NAGLU: variants seen among roughly 807,000 people sequenced by gnomAD.
NAGLU encodes the protein alpha-N-acetylglucosaminidase.
In NAGLU, 34 loss-of-function variants were observed where a neutral mutation model predicts 43.4. The ratio of observed to expected loss-of-function variants is 0.78; its 90% CI spans 0.60 to 1.04. The LOEUF (loss-of-function observed/expected upper bound fraction) is 1.04. NAGLU is among the 50% of genes least tolerant of loss of function. NAGLU has a pLI of 0.00. For synonymous variants in NAGLU, 425 were observed against 437.6 expected (o/e 0.97, Z 0.36); for missense variants, 910 against 993.7 (o/e 0.92, Z 1.13).
In NAGLU at chr17:42,538,592, G is replaced by C. The variant is rs9915710; in HGVS notation, c.679-78G>C. 0.013 allele frequency: 20,596 copies of C among 1,612,372 alleles called. 2,325 individuals are homozygous for C. In the African/African-American group the frequency reaches 0.24, roughly 19 times the overall value. ...GGGCTCTTAACTGAGGCGGGGGGCT[G>C]CGTGTATCCTGGGAGATGAGGGCCT... On this transcript the variant is annotated intron_variant, in intron 3 of 5. Transcript: ENST00000225927.
intron 5 of NAGLU, among the ~76,000 whole-genome samples, chr17:42,542,764 G>C (rs950736314): frequency 6.6e-6 from 1 of 152,264 alleles, no homozygotes; most frequent in African/African-American, 2.4e-5. Flanking sequence ...AGAGTACTGG[G>C]ATTATAGGTG....
chr17:42,537,285 AGGGCC>A, intron 1 of NAGLU, 108 bp from the exon 2 acceptor site: 1 of 1,536,380 alleles, frequency 6.5e-7, no homozygotes, highest in African/African-American at 1.4e-5. Flanking sequence ...GTGCAGCAGA[AGGGCC>A]GAGTTTGGAG....
intron 5 of NAGLU, 125 bp from the exon 6 acceptor site, chr17:42,542,903 C>A: frequency 6.9e-7 from 1 of 1,445,110 alleles, no homozygotes; most frequent in Non-Finnish European, 9.6e-7. Flanking sequence ...CAGAGCGTCC[C>A]GCTGGTGGGG....
rs2092925248 is a variant in NAGLU, at chr17:42,542,970, C to T, written c.1022-58C>T. 1.9e-6 allele frequency: 3 copies of T among 1,595,782 alleles called. No homozygotes were observed. The South Asian group carries it at 3.3e-5, about 18-fold the overall frequency. ...TCGTCTGTAGAGTGGGGTGAACATT[C>T]CCTGGGCCCTCTGTTTCATCACTCC... On this transcript the variant is annotated intron_variant, in intron 5 of 5. Coordinates refer to ENST00000225927, the MANE Select transcript of NAGLU (RefSeq NM_000263.4).
intron 4 of NAGLU, among the ~76,000 whole-genome samples, chr17:42,539,727 G>T (rs1400281758): frequency 6.6e-6 from 1 of 152,242 alleles, no homozygotes; most frequent in African/African-American, 2.4e-5. Flanking sequence ...AGGATACAAT[G>T]TGGGGACAAG....
At chr17:42,537,634 C>T (rs1431492496) in intron 2 of NAGLU, 89 bp downstream of exon 2, 1 of 1,534,972 alleles carries the variant, frequency 6.5e-7, no homozygotes, top group Non-Finnish European at 8.8e-7. Flanking sequence ...GGCGCAGTGT[C>T]TCTCTCTAGA....
chr17:42,538,857 C>T lies in NAGLU; in HGVS notation c.764+102C>T, dbSNP rs1402548048. On this transcript the variant is annotated intron_variant, in intron 4 of 5. Transcript: ENST00000225927. Reference sequence around the variant, plus strand: ...AAGCTCTGGGCCGGGCGCAGTGGCTCACGCCTGTAATCCCAGCACTTTGGG... The same window carrying T: ...AAGCTCTGGGCCGGGCGCAGTGGCTTACGCCTGTAATCCCAGCACTTTGGG... 2.9e-6 allele frequency: 4 copies of T among 1,373,720 alleles called. No individual in the cohort carries two copies. In the African/African-American group the frequency reaches 4.3e-5, roughly 15 times the overall value. 85.1% of individuals were successfully genotyped at this position (1,373,720 alleles called of 1,614,324 possible).
Position 42,544,167 on chromosome 17 carries a change from G to C in NAGLU, c.2161G>C (p.Gly721Arg). The C allele has an allele frequency of 6.2e-7, 1 of 1,613,676 alleles. No individual in the cohort carries two copies. Among genetic ancestry groups the C allele is most frequent in the Non-Finnish European group, 8.5e-7 (1 of 1,180,034 alleles). ...SKQRYPSQPR[G>R]DTVDLAKKIF... ...GCAGAGGTACCCCAGCCAGCCGCGA[G>C]GAGACACTGTGGACCTGGCCAAGAA... is the stretch of plus-strand genomic sequence containing the variant. Residue 721 changes from glycine to arginine, a missense_variant, in exon 6 of 6, where the codon GGA becomes CGA. Transcript: ENST00000225927.
rs921487194 is a variant in NAGLU at position 42,536,831 on chromosome 17, C to T, written c.383+176C>T. The T allele has an allele frequency of 2.3e-5, 29 of 1,262,208 alleles. No individual in the cohort carries two copies. The African/African-American group carries it at 4.1e-4, about 18-fold the overall frequency. 78.2% of individuals were successfully genotyped at this position (1,262,208 alleles called of 1,614,324 possible). ...CTGCCTTTCAGAGCCTCGGCTGGCC[C>T]ACCTGAAAAACGGAAAGAAGACGCC... On this transcript the variant is annotated intron_variant, in intron 1 of 5. Transcript: ENST00000225927.
intron 4 of NAGLU, among the ~76,000 whole-genome samples, chr17:42,540,357 C>T (rs985112048): frequency 6.2e-5 from 9 of 144,920 alleles, no homozygotes; most frequent in African/African-American, 2.1e-4. Flanking sequence ...ACCTATGCAA[C>T]AAACCTGCAT....
At chr17:42,538,784 G>A (rs1169258169) in intron 4 of NAGLU, 29 bp downstream of exon 4, 1 of 1,611,708 alleles carries the variant, frequency 6.2e-7, no homozygotes, top group Non-Finnish European at 8.5e-7. Context: ...CCTCCACTTA[G>A]CTCAGAGAGG....
intron 1 of NAGLU, 188 bp from the exon 2 acceptor site, chr17:42,537,210 G>C: frequency 2.6e-6 from 2 of 773,024 alleles, no homozygotes; most frequent in Admixed American, 4.3e-5. Context: ...AGAGTGCAGG[G>C]GACGAGTGCC....
chr17:42,544,202 C>T lies in NAGLU; in HGVS notation c.2196C>T (p.Leu732=), dbSNP rs766039758. ...TGGACCTGGCCAAGAAGATCTTCCTCAAATATTACCCCCGCTGGGTGGCCG... is the reference window on the plus strand; with the variant it reads ...TGGACCTGGCCAAGAAGATCTTCCTTAAATATTACCCCCGCTGGGTGGCCG... The part of the protein sequence containing the change: ...DTVDLAKKIF[L]KYYPRWVAGS... The change falls in exon 6 of 6, where the codon CTC becomes CTT. Residue 732 remains leucine, a synonymous_variant. Coordinates refer to ENST00000225927, the MANE Select transcript of NAGLU (RefSeq NM_000263.4). 3.1e-6 allele frequency: 5 copies of T among 1,612,516 alleles called. No homozygotes were observed. The Admixed American group carries it at 6.7e-5, about 21-fold the overall frequency.
rs754413995 is a variant in NAGLU, at chr17:42,543,092, G to A, written c.1086G>A (p.Gly362=). 15 of 1,611,382 alleles carry A rather than the reference G, an allele frequency of 9.3e-6. No individual in the cohort carries two copies. In the East Asian group the frequency reaches 1.3e-4, roughly 14 times the overall value. ...WLFQHQPQFW[G]PAQIRAVLGA... is the part of the protein sequence containing the mutation. ...TCCAGCACCAGCCGCAGTTCTGGGG[G>A]CCCGCCCAGATCAGGGCTGTGCTGG... The change falls in exon 6 of 6, where the codon GGG becomes GGA. Residue 362 remains glycine, a synonymous_variant. Transcript: ENST00000225927.
chr17:42,538,703 A>G lies in NAGLU; in HGVS notation c.712A>G (p.Met238Val), dbSNP rs1320973052. 4 of 1,613,908 alleles carry G rather than the reference A, an allele frequency of 2.5e-6. No individual in the cohort carries two copies. The highest frequency in any genetic ancestry group is 4.5e-5 in the East Asian group (2 of 44,898). ...RVLDQMRSFG[M>V]TPVLPAFAGH... ...CCTGGACCAGATGCGCTCCTTCGGCATGACCCCAGTGCTGCCTGCATTCGC... is the reference window on the plus strand; with the variant it reads ...CCTGGACCAGATGCGCTCCTTCGGCGTGACCCCAGTGCTGCCTGCATTCGC... The change falls in exon 4 of 6, where the codon ATG becomes GTG. Residue 238 changes from methionine (M) to valine (V), a missense_variant. By Grantham distance (21) the Met-to-Val change is conservative. Transcript: ENST00000225927.
Position 42,536,373 on chromosome 17 carries a change from C to A in NAGLU, c.101C>A (p.Ala34Glu). ...DEAREAAAVR[A>E]LVARLLGPGP... ...GCCCGGGAGGCGGCGGCCGTGCGGG[C>A]GCTCGTGGCCCGGCTGCTGGGGCCA... Residue 34 changes from alanine to glutamate, a missense_variant, in exon 1 of 6, where the codon GCG (alanine) becomes GAG (glutamate). Transcript: ENST00000225927. 1 of 1,191,512 alleles carries A rather than the reference C, an allele frequency of 8.4e-7. No homozygotes were observed. The highest frequency in any genetic ancestry group is 4.5e-5 in the Admixed American group (1 of 22,250). 73.8% of individuals were successfully genotyped at this position (1,191,512 alleles called of 1,614,324 possible). A position where few individuals can be genotyped will look rare whatever the true frequency, so the allele number is the denominator to read the frequency against.
At chr17:42,541,854 T>G (rs1195516595) in intron 5 of NAGLU, among the ~76,000 whole-genome samples, 1 of 151,736 alleles carries the variant, frequency 6.6e-6, no homozygotes, top group African/African-American at 2.4e-5. Flanking sequence ...CAGCCCGAGC[T>G]GTGAGATGGC....
At position 42,543,509 on chromosome 17, in the gene NAGLU, G is replaced by A. The variant is rs537078152; in HGVS notation, c.1503G>A (p.Val501=). ...GAAWRLLLRS[V]YNCSGEACRG... The stretch of plus-strand genomic sequence containing the variant: ...CGTGGAGGCTACTGCTCCGGAGTGT[G>A]TACAACTGCTCCGGGGAGGCCTGCA... Residue 501 remains valine (V), a synonymous_variant, in exon 6 of 6, where the codon GTG becomes GTA. Coordinates refer to ENST00000225927, the MANE Select transcript of NAGLU (RefSeq NM_000263.4). The A allele has an allele frequency of 3.0e-4, 478 of 1,605,062 alleles. 2 individuals are homozygous for A. The South Asian group carries it at 5.0e-3, about 17-fold the overall frequency.
At chr17:42,537,653 C>G in intron 2 of NAGLU, 108 bp downstream of exon 2, 1 of 1,445,046 alleles carries the variant, frequency 6.9e-7, no homozygotes. Context: ...GAAGTGCTTT[C>G]AGCGTGCACA....
Sources: gnomAD v4.1 joint callset for allele counts (sites outside exome capture counted in the v4.1 genomes callset) on GRCh38, gnomAD v4.1.1 for gene constraint, MANE v1.5 for transcripts, NCBI Gene and HGNC (gene_info 2026-07-23, HGNC 2026-07-21) for gene names.